SPATA7: variants seen among roughly 807,000 people sequenced by gnomAD.
SPATA7 encodes the protein spermatogenesis-associated protein 7.
A neutral mutation model predicts 51.8 loss-of-function variants in SPATA7; 43 were observed. The ratio of observed to expected loss-of-function variants is 0.83; its 90% CI spans 0.65 to 1.07. SPATA7 has a LOEUF of 1.07. Ranked by LOEUF, SPATA7 falls within the 50% of genes least tolerant of loss-of-function variation. The probability of loss-of-function intolerance (pLI) is 0.00; values close to 1 mark genes in which losing one functional copy is unlikely to be tolerated. For synonymous variants in SPATA7, 230 were observed against 252.8 expected (o/e 0.91, Z 0.86); for missense variants, 683 against 701.3 (o/e 0.97, Z 0.30).
At chr14:88,399,279 T>C (rs184182428) in intron 4 of SPATA7, among the ~76,000 whole-genome samples, 1 of 152,152 alleles carries the variant, frequency 6.6e-6, no homozygotes, top group East Asian at 1.9e-4. Context: ...AAACACAGTG[T>C]CTGTCTCAGG....
At chr14:88,434,914 A>G (rs538668394) in intron 10 of SPATA7, among the ~76,000 whole-genome samples, 1 of 152,342 alleles carries the variant, frequency 6.6e-6, no homozygotes, top group East Asian at 1.9e-4. Context: ...AGGTTGGTTC[A>G]TAACTTCACT....
chr14:88,466,159 G>A (rs374058941), intron 4 of SPATA7: 3 of 151,984 alleles, frequency 2.0e-5, no homozygotes, highest in Non-Finnish European at 4.4e-5. Context: ...TAAGGAGCTC[G>A]TTCTGAATAT....
At chr14:88,446,974 A>T (rs1260830569) in intron 3 of SPATA7, among the ~76,000 whole-genome samples, 2 of 152,108 alleles carry the variant, frequency 1.3e-5, no homozygotes, top group African/African-American at 4.8e-5. Flanking sequence ...ATTTGGGGTG[A>T]AGAGTTCTGT....
Position 88,385,867 on chromosome 14 carries a change from G to A in SPATA7, c.19+30G>A, listed in dbSNP as rs756855582. ...AGGGCAGCTGTCAGGGGCTACCGCC[G>A]CCTCGCCCCTCGCTCCAGGCGGCGC... On this transcript the variant is annotated intron_variant, in intron 1 of 11. Transcript: ENST00000393545. 16 of 1,590,524 alleles carry A rather than the reference G, an allele frequency of 1.0e-5. No homozygotes were observed. In the South Asian group the frequency reaches 1.5e-4, roughly 15 times the overall value.
intron 7 of SPATA7, chr14:88,428,961 G>A (rs1048824848): frequency 3.9e-5 from 8 of 203,688 alleles, no homozygotes; most frequent in East Asian, 1.3e-4. Context: ...TGCTGCCAGC[G>A]CTACCACTGC....
intron 4 of SPATA7, chr14:88,416,122 G>A (rs1165217166): frequency 6.6e-6 from 1 of 152,490 alleles, no homozygotes; most frequent in East Asian, 1.9e-4. Flanking sequence ...GCAGAATCAT[G>A]AGCCAATTAA....
chr14:88,404,487 CG>C (rs1202238617), intron 4 of SPATA7, among the ~76,000 whole-genome samples: 2 of 152,066 alleles, frequency 1.3e-5, no homozygotes, highest in African/African-American at 2.4e-5. Context: ...GAGGCCAAGA[CG>C]GGAGGATCAC....
intron 4 of SPATA7, among the ~76,000 whole-genome samples, chr14:88,408,440 T>C (rs935295337): frequency 6.6e-6 from 1 of 152,170 alleles, no homozygotes; most frequent in African/African-American, 2.4e-5. Context: ...TGCTTGTGAT[T>C]TTTTGCACAT....
At chr14:88,438,895 CAT>C (rs765564394), downstream of SPATA7, among the ~76,000 whole-genome samples, 59 of 152,284 alleles carry the variant, frequency 3.9e-4, 2 homozygotes, top group Admixed American at 1.8e-3. Context: ...TATAATGTAA[CAT>C]AATCACAGGA....
chr14:88,399,279 T>G (rs184182428), intron 4 of SPATA7, among the ~76,000 whole-genome samples: 1 of 152,270 alleles, frequency 6.6e-6, no homozygotes, highest in East Asian at 1.9e-4. Flanking sequence ...AAACACAGTG[T>G]CTGTCTCAGG....
intron 9 of SPATA7, 82 bp downstream of exon 9, chr14:88,431,307 T>C (rs903059198): frequency 7.5e-7 from 1 of 1,325,152 alleles, no homozygotes; most frequent in Non-Finnish European, 1.1e-6. Context: ...TAAGTCAGGA[T>C]TGAACAATAA....
At chr14:88,448,763 C>T (rs186784542) in intron 3 of SPATA7, among the ~76,000 whole-genome samples, 1,596 of 152,122 alleles carry the variant, frequency 0.01, 11 homozygotes, top group Admixed American at 0.022. Context: ...GTCAGTCTGC[C>T]CCTGCTTGGG....
chr14:88,444,967 G>A (rs1428420496), intron 3 of SPATA7, among the ~76,000 whole-genome samples: 1 of 152,150 alleles, frequency 6.6e-6, no homozygotes, highest in Non-Finnish European at 1.5e-5. Context: ...TGGCGATGCA[G>A]GCTCTTTTTT....
At position 88,469,919 on chromosome 14, in the gene SPATA7, T is replaced by C. The variant is rs1475412647; in HGVS notation, c.*52T>C. The C allele has an allele frequency of 6.2e-7, 1 of 1,614,014 alleles. No individual in the cohort carries two copies. Among genetic ancestry groups the C allele is most frequent in the Admixed American group, 1.7e-5 (1 of 60,022 alleles). On this transcript the variant is annotated 3_prime_UTR_variant, in exon 5 of 5. Coordinates refer to the SPATA7 transcript ENST00000556406. This position sits in a 1 kb window ranked among gnomAD's most constrained non-coding sequence, Gnocchi z 4.3. Reference sequence around the variant, plus strand: ...AAATCACTTAAGAGAAATAAGTACCTACCTCTTCTGCTGTCACCATTGCTA... The same window carrying C: ...AAATCACTTAAGAGAAATAAGTACCCACCTCTTCTGCTGTCACCATTGCTA...
intron 10 of SPATA7, among the ~76,000 whole-genome samples, chr14:88,435,533 CTA>C (rs2077061935): frequency 6.6e-6 from 1 of 152,108 alleles, no homozygotes; most frequent in South Asian, 2.1e-4. Context: ...TTCATTCTTT[CTA>C]TGTTTTTGTA....
chr14:88,440,971 C>G (rs1410406366), downstream of SPATA7, among the ~76,000 whole-genome samples: 3 of 152,112 alleles, frequency 2.0e-5, no homozygotes, highest in Non-Finnish European at 2.9e-5. Context: ...TTTTATCCCT[C>G]ACTCCCCGCC....
At chr14:88,385,906 T>G (rs1228015473) in intron 1 of SPATA7, 69 bp downstream of exon 1, 1 of 1,546,196 alleles carries the variant, frequency 6.5e-7, no homozygotes, top group Non-Finnish European at 8.7e-7. Context: ...CAGCCTCGGG[T>G]CCGGGCAGCT....
At chr14:88,463,640 T>C (rs2077331778) in intron 4 of SPATA7, among the ~76,000 whole-genome samples, 1 of 152,184 alleles carries the variant, frequency 6.6e-6, no homozygotes, top group Non-Finnish European at 1.5e-5. Context: ...ACCAAGAGTA[T>C]TGTTTGCATG....
rs549808333 is a variant in SPATA7 at position 88,423,165 on chromosome 14, G to A, written c.373-3067G>A. Among the ~76,000 whole-genome samples, 12 of 152,006 alleles carry A rather than the reference G, an allele frequency of 7.9e-5. No individual in the cohort carries two copies. The East Asian group carries it at 1.4e-3, about 17-fold the overall frequency. ...CTTAGTCAATGCTCCCATACTACTC[G>A]TTTGCTTCACTGGTGTAGCACTTAC... On this transcript the variant is annotated intron_variant, in intron 5 of 11. Coordinates refer to ENST00000393545, the MANE Select transcript of SPATA7 (RefSeq NM_018418.5).
Sources: gnomAD v4.1 joint callset for allele counts (sites outside exome capture counted in the v4.1 genomes callset) on GRCh38, gnomAD v4.1.1 for gene constraint, Gnocchi (gnomAD v3.1) non-coding constraint, MANE v1.5 for transcripts, NCBI Gene and HGNC (gene_info 2026-07-23, HGNC 2026-07-21) for gene names.